The following MACF1 variants were observed in gnomAD, a reference collection of about 807,000 sequenced individuals.
MACF1 encodes microtubule actin crosslinking factor 1, also known as microtubule-actin cross-linking factor 1.
MACF1 carries 193 observed loss-of-function variants against 854.8 expected under a neutral mutation model. That is an observed-to-expected ratio of 0.23 (90% CI 0.20 to 0.25). The LOEUF (loss-of-function observed/expected upper bound fraction) is 0.25. MACF1 is among the 10% of genes least tolerant of loss of function. MACF1 has a pLI of 1.00. For missense variants in MACF1, 7,722 were observed against 8,929.1 expected (o/e 0.86, Z 5.45); for synonymous variants, 3,185 against 3,226.7 (o/e 0.99, Z 0.44).
intron 58 of MACF1, among the ~76,000 whole-genome samples, chr1:39,388,872 C>CTTTTTTTTTTTTTTTTTTTT (rs548104092): frequency 2.3e-5 from 2 of 87,242 alleles, no homozygotes; most frequent in African/African-American, 5.0e-5. Context: ...TCTTCTTCTT[C>CTTTTTTTTTTTTTTTTTTTT]TTTTTTTTTT....
At chr1:39,328,052 T>C (rs1201858019) in intron 36 of MACF1, among the ~76,000 whole-genome samples, 1 of 152,202 alleles carries the variant, frequency 6.6e-6, no homozygotes, top group Non-Finnish European at 1.5e-5. Flanking sequence ...GGCCAACTTA[T>C]GTGGGGCAGG....
At chr1:39,477,069 A>ACACACACACATATATACACTTAGTG (rs1557674926) in intron 97 of MACF1, among the ~76,000 whole-genome samples, 7 of 17,468 alleles carry the variant, frequency 4.0e-4, no homozygotes, top group Admixed American at 1.4e-3. Flanking sequence ...ATATATATAT[A>ACACACACACATATATACACTTAGTG]TATATATATA....
intron 10 of MACF1, 28 bp downstream of exon 10, chr1:39,284,213 G>T: frequency 2.5e-6 from 4 of 1,605,686 alleles, no homozygotes; most frequent in Non-Finnish European, 3.4e-6. Context: ...AATTTTTTTG[G>T]TAAAATCTTT....
rs148757960 is a variant in MACF1 at position 39,437,952 on chromosome 1, G to A, written c.18164G>A (p.Arg6055His). The stretch of plus-strand genomic sequence containing the variant: ...CCATCCTTTGAGGCCTTGAAGCGCC[G>A]TGGAGAGGAGCTTATTGGACGATCT... ...LQPSFEALKRRGEELIGRSQG... is the reference protein window; with the variant it reads ...LQPSFEALKRHGEELIGRSQG... The change falls in exon 71 of 101, where the codon CGT (arginine) becomes CAT (histidine). Residue 6055 changes from arginine (R) to histidine (H), a missense_variant. By Grantham distance (29) the Arg-to-His change is conservative. This residue lies in a region of MACF1 where 2,807 missense variants were observed against 3,235.8 expected (regional missense o/e 0.87). Coordinates refer to ENST00000564288, the MANE Select transcript of MACF1 (RefSeq NM_001394062.1). 102 of 1,614,126 alleles carry A rather than the reference G, an allele frequency of 6.3e-5. No homozygotes were observed. Among genetic ancestry groups the A allele is most frequent in the South Asian group, 3.6e-4 (33 of 91,074 alleles).
chr1:39,124,049 ATT>A (rs1009496081), intron 2 of MACF1, among the ~76,000 whole-genome samples: 14 of 123,182 alleles, frequency 1.1e-4, no homozygotes, highest in African/African-American at 9.0e-5. Flanking sequence ...CAATTCTTGT[ATT>A]TTTTTTTTTT....
intron 2 of MACF1, among the ~76,000 whole-genome samples, chr1:39,170,568 C>T (rs373123684): frequency 1.3e-5 from 2 of 152,072 alleles, no homozygotes; most frequent in East Asian, 3.8e-4. Context: ...GGACAAATGA[C>T]AAGAAGAGGG....
chr1:39,298,617 A>T (rs1310993930), intron 21 of MACF1: 1 of 432,282 alleles, frequency 2.3e-6, no homozygotes, highest in Admixed American at 2.6e-5. Context: ...AAATTTGAGC[A>T]TTTGTGAATT....
intron 52 of MACF1, chr1:39,372,806 A>G (rs1569769231): frequency 6.4e-6 from 3 of 471,348 alleles, no homozygotes; most frequent in African/African-American, 6.0e-5. Flanking sequence ...CCATGATGGA[A>G]AAAGTAAATG....
In MACF1 at chr1:39,379,401, C is replaced by T. The variant is rs746373800; in HGVS notation, c.13475C>T (p.Pro4492Leu). Residue 4492 changes from proline (P) to leucine (L), a missense_variant, in exon 54 of 101, where the codon CCA becomes CTA. Coordinates refer to ENST00000564288, the MANE Select transcript of MACF1 (RefSeq NM_001394062.1). ...AAATCCATGGATGCCATGTCATCTC[C>T]AACCAAGACAGAAACAGTGAAAGCC... is the stretch of plus-strand genomic sequence containing the variant. ...VLKSMDAMSS[P>L]TKTETVKAQA... The T allele has an allele frequency of 2.5e-6, 4 of 1,614,044 alleles. No individual in the cohort carries two copies. The East Asian group carries it at 6.7e-5, about 27-fold the overall frequency.
rs779418591 is a variant in MACF1 at position 39,287,291 on chromosome 1, T to C, written c.1514T>C (p.Met505Thr). The stretch of plus-strand genomic sequence containing the variant: ...TTTCTCTTCTTCCATTTCAGGGTCA[T>C]GCGTCTTCAGGATGAGCTGGTCACC... ...YQLEELAFRV[M>T]RLQDELVTLR... The change falls in exon 15 of 101, where the codon ATG (methionine) becomes ACG (threonine). Residue 505 changes from methionine to threonine, a missense_variant. Coordinates refer to ENST00000564288, the MANE Select transcript of MACF1 (RefSeq NM_001394062.1). 151 of 1,613,804 alleles carry C rather than the reference T, an allele frequency of 9.4e-5. 2 individuals are homozygous for C. Among genetic ancestry groups the C allele is most frequent in the South Asian group, 8.7e-4 (79 of 91,086 alleles).
Position 39,123,766 on chromosome 1 carries a change from C to G in MACF1, c.220+39328C>G, listed in dbSNP as rs533942680. On this transcript the variant is annotated intron_variant, in intron 2 of 93. Coordinates refer to the MACF1 transcript ENST00000361689. ...CGAGGCAGAGTCTTGTTCTGTCACC[C>G]AGGCTGAAGTGCAGTGGCATGATCT... is the stretch of plus-strand genomic sequence containing the variant. Among the ~76,000 whole-genome samples, 4 of 148,256 alleles carry G rather than the reference C, an allele frequency of 2.7e-5. No homozygotes were observed. In the East Asian group the frequency reaches 7.9e-4, roughly 29 times the overall value.
intron 74 of MACF1, among the ~76,000 whole-genome samples, 200 bp from the exon 75 acceptor site, chr1:39,441,752 T>G (rs905344843): frequency 3.9e-5 from 6 of 152,232 alleles, no homozygotes; most frequent in African/African-American, 1.4e-4. Flanking sequence ...AACATTATCT[T>G]GATAATGTTG....
In MACF1 at chr1:39,336,738, A is replaced by T. The variant is rs191219898; in HGVS notation, c.10065+85A>T. On this transcript the variant is annotated intron_variant, in intron 37 of 100. Coordinates refer to ENST00000564288, the MANE Select transcript of MACF1 (RefSeq NM_001394062.1). ...TCTTAACTGGGTACAGAGTTTACATATGTGTAATTGTATGCCTCTATACAT... is the reference window on the plus strand; with the variant it reads ...TCTTAACTGGGTACAGAGTTTACATTTGTGTAATTGTATGCCTCTATACAT... 5.3e-4 allele frequency: 676 copies of T among 1,268,624 alleles called. 1 individual carries two copies. The African/African-American group carries it at 7.2e-3, about 14-fold the overall frequency. 78.6% of individuals were successfully genotyped at this position (1,268,624 alleles called of 1,614,324 possible). A position where few individuals can be genotyped will look rare whatever the true frequency, so the allele number is the denominator to read the frequency against.
intron 2 of MACF1, among the ~76,000 whole-genome samples, chr1:39,196,463 C>T (rs1395594986): frequency 1.3e-5 from 2 of 152,114 alleles, no homozygotes; most frequent in African/African-American, 4.8e-5. Context: ...AGTTAGATGC[C>T]TAGTGTACTC....
In MACF1 at chr1:39,322,621, AAC is replaced by A; in HGVS notation, c.4044_4045del (p.Gln1348HisfsTer55). 1 of 1,613,974 alleles carries A rather than the reference AAC, an allele frequency of 6.2e-7. No individual in the cohort carries two copies. Among genetic ancestry groups the A allele is most frequent in the Non-Finnish European group, 8.5e-7 (1 of 1,179,824 alleles). On this transcript the variant is annotated frameshift_variant, in exon 32 of 101. Coordinates refer to ENST00000564288, the MANE Select transcript of MACF1 (RefSeq NM_001394062.1). LOFTEE classifies it high-confidence loss of function. Reference sequence around the variant, plus strand: ...ATCCTTTCCTAGGACTATGAATTGCAACTGATGACATACAAGGCCTTTGTGGA... The same window carrying A: ...ATCCTTTCCTAGGACTATGAATTGCATGATGACATACAAGGCCTTTGTGGA...
chr1:39,350,685 C>A, intron 42 of MACF1, 100 bp from the exon 43 acceptor site: 1 of 786,694 alleles, frequency 1.3e-6, no homozygotes, highest in Non-Finnish European at 2.1e-6. Flanking sequence ...GGACTATATA[C>A]AGGACTATAT....
intron 2 of MACF1, among the ~76,000 whole-genome samples, chr1:39,139,093 G>T (rs1416824245): frequency 6.6e-6 from 1 of 152,164 alleles, no homozygotes; most frequent in Admixed American, 6.5e-5. Context: ...GATGTAGCTG[G>T]CTCTTAATCA....
At chr1:39,274,911 C>A (rs6660405) in intron 6 of MACF1, among the ~76,000 whole-genome samples, 163 of 152,038 alleles carry the variant, frequency 1.1e-3, no homozygotes, top group African/African-American at 3.9e-3. Flanking sequence ...AATATTATTA[C>A]TTAAAAGAAC....
At chr1:39,173,064 C>T (rs749394245) in intron 2 of MACF1, among the ~76,000 whole-genome samples, 12 of 152,048 alleles carry the variant, frequency 7.9e-5, no homozygotes, top group East Asian at 3.9e-4. Flanking sequence ...CACTGGAGGC[C>T]GGGCGCGGTG....
Sources: gnomAD v4.1 joint callset for allele counts (sites outside exome capture counted in the v4.1 genomes callset) on GRCh38, gnomAD v4.1.1 for gene constraint, gnomAD v4.1.1 regional missense constraint, MANE v1.5 for transcripts, NCBI Gene and HGNC (gene_info 2026-07-23, HGNC 2026-07-21) for gene names.